The following GALNT13 variants were observed in gnomAD, a reference collection of about 807,000 sequenced individuals.
GALNT13 encodes the protein polypeptide N-acetylgalactosaminyltransferase 13.
GALNT13 carries 28 observed loss-of-function variants against 64.2 expected under a neutral mutation model. The ratio of observed to expected loss-of-function variants is 0.44; its 90% CI spans 0.32 to 0.60. The LOEUF is 0.60. Ranked by LOEUF, GALNT13 falls within the 20% of genes least tolerant of loss-of-function variation. GALNT13 has a pLI of 0.05. For synonymous variants in GALNT13, 214 were observed against 224.6 expected (o/e 0.95, Z 0.42); for missense variants, 577 against 669.8 (o/e 0.86, Z 1.53).
the GALNT13 span, among the ~76,000 whole-genome samples, chr2:153,829,654 G>A: frequency 3.3e-4 from 50 of 152,202 alleles, no homozygotes; most frequent in African/African-American, 1.1e-3. Flanking sequence ...TAGATGCCAA[G>A]CAGACAGTTA....
chr2:154,254,034 T>G (rs1168345639), intron 7 of GALNT13, among the ~76,000 whole-genome samples: 1 of 152,058 alleles, frequency 6.6e-6, no homozygotes, highest in African/African-American at 2.4e-5. Context: ...TATGTCTTGA[T>G]TGAGGGAGCA....
chr2:153,186,732 A>G, the GALNT13 span, among the ~76,000 whole-genome samples: 2 of 151,930 alleles, frequency 1.3e-5, no homozygotes, highest in African/African-American at 4.8e-5. Flanking sequence ...ACACCCAGCT[A>G]ATTTTTGTAT....
At chr2:153,661,915 C>A in the GALNT13 span, among the ~76,000 whole-genome samples, 1 of 152,176 alleles carries the variant, frequency 6.6e-6, no homozygotes, top group East Asian at 1.9e-4. Flanking sequence ...GCACATGCAT[C>A]TTTACACATA....
In GALNT13 at chr2:154,248,577, G is replaced by T. The variant is rs10168509; in HGVS notation, c.857+2595G>T. On this transcript the variant is annotated intron_variant, in intron 7 of 12. Transcript: ENST00000392825. ...ATTCTCTGTAGAAGTGTTTTATTTG[G>T]CATACATAGTGTTTTACATTTTCAA... Among the ~76,000 whole-genome samples, 995 of 150,384 alleles carry T rather than the reference G, an allele frequency of 6.6e-3. 5 individuals are homozygous for T. The highest frequency in any genetic ancestry group is 0.021 in the Middle Eastern group (6 of 288).
chr2:153,087,627 A>G, the GALNT13 span, among the ~76,000 whole-genome samples: 2 of 151,634 alleles, frequency 1.3e-5, no homozygotes, highest in African/African-American at 4.8e-5. Context: ...TCTATTGGCT[A>G]TTTTTTTTAT....
the GALNT13 span, among the ~76,000 whole-genome samples, chr2:153,814,682 C>T: frequency 6.6e-6 from 1 of 152,068 alleles, no homozygotes; most frequent in African/African-American, 2.4e-5. Flanking sequence ...CACAGAAAGG[C>T]CTCCTCTCCC....
Position 154,450,873 on chromosome 2 carries a change from G to A in GALNT13, c.*322G>A, listed in dbSNP as rs1701847277. 5.1e-6 allele frequency: 1 copy of A among 194,682 alleles called. No individual in the cohort carries two copies. Among genetic ancestry groups the A allele is most frequent in the Admixed American group, 5.6e-5 (1 of 17,946 alleles). The allele number at this position is 194,682 out of a possible 1,614,324, so 12.1% of individuals were successfully genotyped here. On this transcript the variant is annotated 3_prime_UTR_variant, in exon 13 of 13. Coordinates refer to ENST00000392825, the MANE Select transcript of GALNT13 (RefSeq NM_052917.4). ...TTAATTGGAGGTTATTTTATTTTTGGTTGTCATGGTGATTGAAAGAGATAA... is the reference window on the plus strand; with the variant it reads ...TTAATTGGAGGTTATTTTATTTTTGATTGTCATGGTGATTGAAAGAGATAA...
the GALNT13 span, among the ~76,000 whole-genome samples, chr2:153,441,290 A>G: frequency 6.6e-6 from 1 of 152,012 alleles, no homozygotes; most frequent in East Asian, 1.9e-4. Flanking sequence ...GACCTCTATT[A>G]TGTTCCATTG....
chr2:153,795,304 C>T, the GALNT13 span, among the ~76,000 whole-genome samples: 1 of 151,900 alleles, frequency 6.6e-6, no homozygotes, highest in African/African-American at 2.4e-5. Flanking sequence ...ATAATTGTAC[C>T]GTACGTGATT....
chr2:153,332,934 C>G, the GALNT13 span, among the ~76,000 whole-genome samples: 1 of 152,310 alleles, frequency 6.6e-6, no homozygotes, highest in Admixed American at 6.5e-5. Context: ...CTAGTTGTCT[C>G]ATTGCCTAGG....
At chr2:153,869,763 T>G (rs1256924681), upstream of GALNT13, among the ~76,000 whole-genome samples, 1 of 152,170 alleles carries the variant, frequency 6.6e-6, no homozygotes, top group Admixed American at 6.5e-5. Flanking sequence ...TTTTTGTGTA[T>G]GCATTCTCCT....
At chr2:153,630,801 ATATATATTTTTT>A in the GALNT13 span, among the ~76,000 whole-genome samples, 608 of 16,982 alleles carry the variant, frequency 0.036, 2 homozygotes, top group Non-Finnish European at 0.049. Context: ...ATATATATAT[ATATATATTTTTT>A]TTTTTTTTTT....
At chr2:154,043,541 T>C (rs1263684882) in intron 3 of GALNT13, among the ~76,000 whole-genome samples, 1 of 150,794 alleles carries the variant, frequency 6.6e-6, no homozygotes, top group Middle Eastern at 3.2e-3. Context: ...TAATCACTTA[T>C]TTTTATACAT....
At chr2:153,769,069 T>C in the GALNT13 span, among the ~76,000 whole-genome samples, 179 of 152,304 alleles carry the variant, frequency 1.2e-3, 3 homozygotes, top group East Asian at 0.013. Flanking sequence ...TCTGTATTTG[T>C]TAGGAGTATT....
chr2:153,790,831 G>A, the GALNT13 span, among the ~76,000 whole-genome samples: 1 of 151,890 alleles, frequency 6.6e-6, no homozygotes, highest in African/African-American at 2.4e-5. Flanking sequence ...TGCCAAATAA[G>A]GAATGCAATA....
intron 1 of GALNT13, among the ~76,000 whole-genome samples, chr2:153,898,293 A>T (rs895630297): frequency 3.9e-5 from 6 of 152,168 alleles, no homozygotes; most frequent in Non-Finnish European, 7.4e-5. Flanking sequence ...ATATGTGAAC[A>T]GTTTCAGATT....
the GALNT13 span, among the ~76,000 whole-genome samples, chr2:153,190,645 T>C: frequency 6.6e-6 from 1 of 152,196 alleles, no homozygotes; most frequent in African/African-American, 2.4e-5. Flanking sequence ...AGAGACTGCA[T>C]TGAATCTATA....
the GALNT13 span, among the ~76,000 whole-genome samples, chr2:153,171,009 T>G: frequency 6.6e-6 from 1 of 152,234 alleles, no homozygotes; most frequent in Non-Finnish European, 1.5e-5. Flanking sequence ...TGTACACTTT[T>G]GTTTGTCTAC....
At chr2:154,160,469 A>G (rs1261054439) in intron 4 of GALNT13, among the ~76,000 whole-genome samples, 1 of 152,000 alleles carries the variant, frequency 6.6e-6, no homozygotes, top group African/African-American at 2.4e-5. Context: ...TCCTTACCAC[A>G]TCCAAATTTG....
Sources: gnomAD v4.1 joint callset for allele counts (sites outside exome capture counted in the v4.1 genomes callset) on GRCh38, gnomAD v4.1.1 for gene constraint, MANE v1.5 for transcripts, NCBI Gene and HGNC (gene_info 2026-07-23, HGNC 2026-07-21) for gene names.